Variants in SNX29 observed in about 807,000 individuals in gnomAD.
SNX29 encodes the protein sorting nexin-29.
A neutral mutation model predicts 102.1 loss-of-function variants in SNX29; 78 were observed. That is an observed-to-expected ratio of 0.76 (90% CI 0.64 to 0.92). SNX29 has a LOEUF of 0.92. Among genes scored for constraint, SNX29 ranks in the 40% least tolerant of loss-of-function variants. The pLI, the probability that SNX29 is intolerant of heterozygous loss-of-function variation, is 0.00. For missense variants in SNX29, 1,280 were observed against 1,061.7 expected (o/e 1.21, Z -2.86); for synonymous variants, 580 against 414.5 (o/e 1.40, Z -4.85).
rs190109719 is a variant in SNX29, at chr16:12,089,209, T to A, written c.1402+10294T>A. On this transcript the variant is annotated intron_variant, in intron 11 of 20. Transcript: ENST00000566228. ...GGTGGTGGCACCTGGCATCTGCCTG[T>A]AGTTCCAGCTACTTGGGAGGCTGAG... 1.4e-4 allele frequency among the ~76,000 whole-genome samples: 21 copies of A among 152,062 alleles called. No homozygotes were observed. In the East Asian group the frequency reaches 3.7e-3, roughly 27 times the overall value.
At chr16:12,409,682 A>G (rs372745227) in intron 18 of SNX29, among the ~76,000 whole-genome samples, 1 of 152,084 alleles carries the variant, frequency 6.6e-6, no homozygotes, top group Admixed American at 6.5e-5. Flanking sequence ...ATCCCACTCA[A>G]GTGTCTCTAA....
chr16:12,207,274 CAGG>C (rs1015279913), intron 14 of SNX29, among the ~76,000 whole-genome samples: 5 of 152,042 alleles, frequency 3.3e-5, no homozygotes, highest in Non-Finnish European at 7.4e-5. Flanking sequence ...GAGGCTGAGG[CAGG>C]AGAATTGCTT....
chr16:12,417,271 C>G (rs2084674366), intron 18 of SNX29, among the ~76,000 whole-genome samples: 1 of 152,252 alleles, frequency 6.6e-6, no homozygotes, highest in South Asian at 2.1e-4. Context: ...CCTCTTGGCA[C>G]ACTGGGCTTC....
intron 15 of SNX29, among the ~76,000 whole-genome samples, chr16:12,296,877 A>G (rs1047058424): frequency 2.0e-5 from 3 of 152,188 alleles, no homozygotes; most frequent in African/African-American, 4.8e-5. Flanking sequence ...AGGGTTCTCA[A>G]CCCCAACACT....
At chr16:12,483,520 TTGGTCAGGC>T (rs1346585278) in intron 19 of SNX29, among the ~76,000 whole-genome samples, 1 of 151,972 alleles carries the variant, frequency 6.6e-6, no homozygotes, top group African/African-American at 2.4e-5. Context: ...TTTCACCATG[TTGGTCAGGC>T]TGGTCTCGAA....
chr16:12,452,461 G>C (rs2086348476), intron 18 of SNX29, among the ~76,000 whole-genome samples: 1 of 64,548 alleles, frequency 1.5e-5, no homozygotes, highest in Non-Finnish European at 2.9e-5. Context: ...ATCAGAGGCA[G>C]ATGCCCACCG....
intron 14 of SNX29, among the ~76,000 whole-genome samples, chr16:12,216,209 A>G (rs1315802239): frequency 6.6e-6 from 1 of 152,262 alleles, no homozygotes; most frequent in Admixed American, 6.5e-5. Flanking sequence ...AATATCATTG[A>G]TAAACCCTCA....
At chr16:12,558,422 G>A (rs570289158) in intron 20 of SNX29, among the ~76,000 whole-genome samples, 62 of 152,300 alleles carry the variant, frequency 4.1e-4, no homozygotes, top group African/African-American at 1.4e-3. Flanking sequence ...GGTGAAAGCT[G>A]ACATCTAGAA....
intron 19 of SNX29, among the ~76,000 whole-genome samples, chr16:12,481,433 CAT>C (rs1018769267): frequency 2.7e-4 from 39 of 146,982 alleles, no homozygotes; most frequent in African/African-American, 9.6e-4. Context: ...CACATATACA[CAT>C]ATATACACAC....
chr16:12,129,528 A>G (rs1431536600), intron 12 of SNX29, 102 bp from the exon 13 acceptor site: 14 of 1,402,550 alleles, frequency 1.0e-5, no homozygotes, highest in Non-Finnish European at 1.2e-5. Context: ...AGCCTTGTGG[A>G]AAACGCATGG....
At chr16:12,313,021 G>T (rs1441027401) in intron 15 of SNX29, among the ~76,000 whole-genome samples, 10 of 145,882 alleles carry the variant, frequency 6.9e-5, no homozygotes, top group Non-Finnish European at 1.4e-4. Flanking sequence ...TTTGTTTTCT[G>T]TTTTTTTTTT....
chr16:12,182,976 A>G (rs1470518422), intron 13 of SNX29, among the ~76,000 whole-genome samples: 3 of 150,246 alleles, frequency 2.0e-5, no homozygotes, highest in East Asian at 1.9e-4. Context: ...TGAGCTTTGC[A>G]ATATGGATTT....
At chr16:12,555,965 T>G (rs1003438941) in intron 20 of SNX29, among the ~76,000 whole-genome samples, 1 of 150,960 alleles carries the variant, frequency 6.6e-6, no homozygotes, top group African/African-American at 2.4e-5. Context: ...TAACACCATC[T>G]GCGTGGCTTT....
chr16:12,202,918 T>C (rs1002855422), intron 14 of SNX29, among the ~76,000 whole-genome samples: 4 of 152,242 alleles, frequency 2.6e-5, no homozygotes, highest in Non-Finnish European at 4.4e-5. Context: ...GGGCTCACAT[T>C]AGCCACTGTC....
At chr16:12,020,343 T>C (rs1267813234) in intron 3 of SNX29, among the ~76,000 whole-genome samples, 1 of 152,036 alleles carries the variant, frequency 6.6e-6, no homozygotes, top group African/African-American at 2.4e-5. Context: ...CCTGTAATCT[T>C]AACGCTTTAA....
chr16:12,056,603 T>C (rs1187703310), intron 8 of SNX29, among the ~76,000 whole-genome samples: 1 of 152,200 alleles, frequency 6.6e-6, no homozygotes, highest in African/African-American at 2.4e-5. Context: ...TGGCAGAGTC[T>C]GCTGCCCTGT....
rs1208667859 is a variant in SNX29 at position 12,570,762 on chromosome 16, C to G, written c.*2133C>G. Reference sequence around the variant, plus strand: ...CCCACGAGGAAGCACCTTGGACATTCTGCACATGATAATAATGCAACAGTC... The same window carrying G: ...CCCACGAGGAAGCACCTTGGACATTGTGCACATGATAATAATGCAACAGTC... On this transcript the variant is annotated 3_prime_UTR_variant, in exon 21 of 21. Coordinates refer to ENST00000566228, the MANE Select transcript of SNX29 (RefSeq NM_032167.5). 2.4e-5 allele frequency: 5 copies of G among 206,096 alleles called. No individual in the cohort carries two copies. The highest frequency in any genetic ancestry group is 6.3e-5 in the East Asian group (1 of 15,754). 12.8% of individuals were successfully genotyped at this position (206,096 alleles called of 1,614,324 possible).
At chr16:11,988,702 T>C (rs1428459200) in intron 1 of SNX29, among the ~76,000 whole-genome samples, 1 of 152,198 alleles carries the variant, frequency 6.6e-6, no homozygotes, top group East Asian at 1.9e-4. Context: ...GCTTGGCCTA[T>C]TGTCTCTTTA....
At chr16:12,145,844 A>AT (rs1567248135) in intron 13 of SNX29, among the ~76,000 whole-genome samples, 2 of 152,090 alleles carry the variant, frequency 1.3e-5, no homozygotes, top group Non-Finnish European at 2.9e-5. Context: ...TTTCTTAACC[A>AT]TTTTTTTCCC....
Sources: gnomAD v4.1 joint callset for allele counts (sites outside exome capture counted in the v4.1 genomes callset) on GRCh38, gnomAD v4.1.1 for gene constraint, MANE v1.5 for transcripts, NCBI Gene and HGNC (gene_info 2026-07-23, HGNC 2026-07-21) for gene names.